Variants in CNTNAP2 observed in about 807,000 individuals in gnomAD.
The protein encoded by CNTNAP2 is contactin associated protein 2, also known as contactin-associated protein-like 2.
A neutral mutation model predicts 155.2 loss-of-function variants in CNTNAP2; 98 were observed. The ratio of observed to expected loss-of-function variants is 0.63; its 90% CI spans 0.54 to 0.75. CNTNAP2 has a LOEUF of 0.75. CNTNAP2 is among the 30% of genes least tolerant of loss of function. The pLI is 0.00. For missense variants in CNTNAP2, 1,727 were observed against 1,688.1 expected (o/e 1.02, Z -0.40); for synonymous variants, 651 against 631.2 (o/e 1.03, Z -0.47).
intron 1 of CNTNAP2, among the ~76,000 whole-genome samples, chr7:146,270,484 T>G (rs867809484): frequency 6.6e-6 from 1 of 152,344 alleles, no homozygotes; most frequent in East Asian, 1.9e-4. Flanking sequence ...ATAATTTTTC[T>G]GATTAGCCCA....
chr7:147,932,172 C>G (rs115359774), intron 14 of CNTNAP2, among the ~76,000 whole-genome samples: 2,958 of 152,246 alleles, frequency 0.019, 98 homozygotes, highest in African/African-American at 0.067. Flanking sequence ...AGGCATGAGC[C>G]ACTGTGCCCG....
At chr7:146,513,308 T>TA (rs1462805338) in intron 1 of CNTNAP2, among the ~76,000 whole-genome samples, 1 of 151,974 alleles carries the variant, frequency 6.6e-6, no homozygotes, top group Non-Finnish European at 1.5e-5. Context: ...TGTTACTTTT[T>TA]ATAGGTAAGG....
chr7:147,505,381 A>G (rs957390075), intron 11 of CNTNAP2, among the ~76,000 whole-genome samples: 17 of 149,254 alleles, frequency 1.1e-4, no homozygotes, highest in African/African-American at 4.4e-4. Context: ...GCACACACAT[A>G]TACAATGTGT....
intron 1 of CNTNAP2, among the ~76,000 whole-genome samples, chr7:146,761,078 T>A (rs1802089169): frequency 6.6e-6 from 1 of 152,152 alleles, no homozygotes; most frequent in African/African-American, 2.4e-5. Context: ...TTTGCTCATC[T>A]GTTCTGTAGA....
chr7:148,033,961 G>A (rs1802527744), intron 15 of CNTNAP2, among the ~76,000 whole-genome samples: 1 of 152,090 alleles, frequency 6.6e-6, no homozygotes. Flanking sequence ...TCAAACATTA[G>A]AGAAAGCATT....
intron 8 of CNTNAP2, among the ~76,000 whole-genome samples, chr7:147,202,053 G>A (rs902544461): frequency 2.6e-5 from 4 of 151,864 alleles, no homozygotes; most frequent in South Asian, 2.1e-4. Context: ...TTTGCATTAC[G>A]AGAATAAAGA....
At position 147,975,025 on chromosome 7, in the gene CNTNAP2, C is replaced by CGT. The variant is rs1373859964; in HGVS notation, c.2256-2837_2256-2836insGT. ...ATGTATTATACAATTTTTTGTATTA[C>CGT]ATATAATACAATTTTTTGTATTACG... On this transcript the variant is annotated intron_variant, in intron 14 of 23. Coordinates refer to ENST00000361727, the MANE Select transcript of CNTNAP2 (RefSeq NM_014141.6). 2.8e-3 allele frequency among the ~76,000 whole-genome samples: 416 copies of CGT among 150,784 alleles called. 1 individual carries two copies. The highest frequency in any genetic ancestry group is 5.4e-3 in the Non-Finnish European group (365 of 67,714).
intron 1 of CNTNAP2, among the ~76,000 whole-genome samples, chr7:146,248,727 C>A (rs551316683): frequency 6.6e-6 from 1 of 152,060 alleles, no homozygotes; most frequent in Non-Finnish European, 1.5e-5. Context: ...TGAGGTCGTA[C>A]GTGGATCTTT....
chr7:146,902,313 T>G (rs930827780), intron 3 of CNTNAP2, among the ~76,000 whole-genome samples: 1 of 152,200 alleles, frequency 6.6e-6, no homozygotes, highest in African/African-American at 2.4e-5. Flanking sequence ...CTCTTCTGAA[T>G]CTAAAGAATG....
At chr7:147,646,234 G>T (rs1292201082) in intron 13 of CNTNAP2, among the ~76,000 whole-genome samples, 2 of 152,130 alleles carry the variant, frequency 1.3e-5, no homozygotes, top group African/African-American at 4.8e-5. Context: ...GGTGACTCAA[G>T]TTTCTGACTT....
intron 12 of CNTNAP2, among the ~76,000 whole-genome samples, chr7:147,599,053 G>T (rs1800887305): frequency 6.6e-6 from 1 of 152,060 alleles, no homozygotes; most frequent in African/African-American, 2.4e-5. Flanking sequence ...CTAATACATT[G>T]GGCTAAAATA....
At chr7:146,661,822 G>A (rs774299618) in intron 1 of CNTNAP2, among the ~76,000 whole-genome samples, 2 of 151,010 alleles carry the variant, frequency 1.3e-5, no homozygotes, top group Non-Finnish European at 2.9e-5. Context: ...TAACAATGTT[G>A]GAGTAAATGG....
chr7:146,567,436 A>G (rs1452599962), intron 1 of CNTNAP2, among the ~76,000 whole-genome samples: 1 of 152,166 alleles, frequency 6.6e-6, no homozygotes, highest in Non-Finnish European at 1.5e-5. Context: ...ATTTGAAATT[A>G]TGATAGTAAA....
chr7:146,302,252 T>A (rs1800624765), intron 1 of CNTNAP2, among the ~76,000 whole-genome samples: 1 of 152,172 alleles, frequency 6.6e-6, no homozygotes, highest in African/African-American at 2.4e-5. Flanking sequence ...AATAGAAGTT[T>A]GTTTTGTTAT....
rs60849459 is a variant in CNTNAP2 at position 147,949,460 on chromosome 7, T to TATA, written c.2256-28402_2256-28401insATA. On this transcript the variant is annotated intron_variant, in intron 14 of 23. Transcript: ENST00000361727. ...TGTGTGTATATATATATATATATAT[T>TATA]TTTTTTTTTTAGGTTTATTGCAGGA... Among the ~76,000 whole-genome samples, 491 of 92,104 alleles carry TATA rather than the reference T, an allele frequency of 5.3e-3. 2 individuals are homozygous for TATA. Among genetic ancestry groups the TATA allele is most frequent in the African/African-American group, 0.014 (462 of 33,142 alleles). The allele number at this position is 92,104 out of a possible 152,430, so 60.4% of individuals were successfully genotyped here.
chr7:148,318,087 T>C (rs1316333842), intron 21 of CNTNAP2, among the ~76,000 whole-genome samples: 3 of 152,186 alleles, frequency 2.0e-5, no homozygotes. Context: ...CAGACCCTTC[T>C]CCTTTTGGAA....
chr7:147,729,391 C>T (rs951368753), intron 13 of CNTNAP2, among the ~76,000 whole-genome samples: 1 of 143,038 alleles, frequency 7.0e-6, no homozygotes, highest in Non-Finnish European at 1.5e-5. Flanking sequence ...GCCTCCCGCT[C>T]TAATAAGAAA....
At chr7:147,120,946 T>A in intron 5 of CNTNAP2, 33 bp from the exon 6 acceptor site, 6 of 1,606,196 alleles carry the variant, frequency 3.7e-6, no homozygotes, top group Non-Finnish European at 5.1e-6. Flanking sequence ...ATAGCATCAT[T>A]GCATTGTTTC....
intron 1 of CNTNAP2, among the ~76,000 whole-genome samples, chr7:146,501,021 T>G (rs1797293011): frequency 6.6e-6 from 1 of 152,140 alleles, no homozygotes; most frequent in Non-Finnish European, 1.5e-5. Context: ...TATACTATAT[T>G]CATTGATTTT....
Sources: allele counts gnomAD v4.1 joint callset (sites outside exome capture counted in the v4.1 genomes callset), GRCh38; gene constraint gnomAD v4.1.1; transcripts MANE v1.5; gene names NCBI Gene and HGNC (gene_info 2026-07-23, HGNC 2026-07-21).